The following HMGB1 variants were observed in gnomAD, a reference collection of about 807,000 sequenced individuals.
The protein encoded by HMGB1 is high mobility group box 1.
For missense variants in HMGB1, 79 were observed against 253.5 expected (o/e 0.31, Z 4.67); for synonymous variants, 81 against 84.0 (o/e 0.96, Z 0.19).
chr13:30,578,634 T>C (rs926696355), intron 1 of HMGB1, among the ~76,000 whole-genome samples: 4 of 152,118 alleles, frequency 2.6e-5, no homozygotes, highest in African/African-American at 9.7e-5. Flanking sequence ...ATATATCCTA[T>C]CTTACATATC....
chr13:30,538,664 C>T (rs866490046), intron 1 of HMGB1, among the ~76,000 whole-genome samples: 821 of 8,862 alleles, frequency 0.093, 62 homozygotes, highest in African/African-American at 0.26. Flanking sequence ...TCTTTCTTTC[C>T]TTTCTTTCTT....
intron 1 of HMGB1, among the ~76,000 whole-genome samples, chr13:30,548,448 G>T (rs1869270447): frequency 6.6e-6 from 1 of 152,124 alleles, no homozygotes; most frequent in Non-Finnish European, 1.5e-5. Context: ...AACAGCACGA[G>T]AATGGACTAA....
Position 30,477,114 on chromosome 13 carries a change from C to T in HMGB1, c.-14-13420G>A, listed in dbSNP as rs142165663. 1.2e-4 allele frequency among the ~76,000 whole-genome samples: 19 copies of T among 152,230 alleles called. No homozygotes were observed. In the East Asian group the frequency reaches 2.5e-3, roughly 20 times the overall value. ...AAAATAAAAACGGTATCACATTTCC[C>T]CACCTAAATATGCATCACAGCCCCA... On this transcript the variant is annotated intron_variant, in intron 1 of 4. Transcript: ENST00000405805.
chr13:30,576,049 T>C (rs534041545), intron 1 of HMGB1, among the ~76,000 whole-genome samples: 2 of 152,266 alleles, frequency 1.3e-5, no homozygotes, highest in African/African-American at 4.8e-5. Flanking sequence ...AAGGCCAACA[T>C]TGGTATTCTC....
intron 4 of HMGB1, 110 bp from the exon 5 acceptor site, chr13:30,461,643 A>C (rs780847361): frequency 1.3e-6 from 2 of 1,589,008 alleles, no homozygotes; most frequent in South Asian, 2.3e-5. Flanking sequence ...TTATACCAAA[A>C]TATCACGTAT....
intron 1 of HMGB1, among the ~76,000 whole-genome samples, chr13:30,563,953 T>A (rs1870071332): frequency 6.6e-6 from 1 of 152,226 alleles, no homozygotes; most frequent in African/African-American, 2.4e-5. Flanking sequence ...AAAATTAAAA[T>A]GGTAAATGGG....
intron 1 of HMGB1, among the ~76,000 whole-genome samples, chr13:30,595,196 G>A (rs9315022): frequency 0.43 from 65,443 of 151,694 alleles, 14,501 homozygotes; most frequent in Middle Eastern, 0.62. Context: ...ATAAAAAATT[G>A]TATTTTTATT....
intron 1 of HMGB1, among the ~76,000 whole-genome samples, chr13:30,599,804 A>G (rs1345630756): frequency 6.6e-6 from 1 of 152,162 alleles, no homozygotes; most frequent in African/African-American, 2.4e-5. Context: ...ATACAGTCAC[A>G]TTCCGAGTTC....
intron 1 of HMGB1, among the ~76,000 whole-genome samples, chr13:30,509,765 GTA>G (rs1263753857): frequency 6.6e-6 from 1 of 152,154 alleles, no homozygotes; most frequent in Non-Finnish European, 1.5e-5. Flanking sequence ...ATGCACTGCT[GTA>G]TTCAAGGTCC....
intron 1 of HMGB1, among the ~76,000 whole-genome samples, chr13:30,522,826 C>T (rs1364595832): frequency 6.6e-6 from 1 of 152,004 alleles, no homozygotes; most frequent in Admixed American, 6.6e-5. Context: ...AGCATTCTTC[C>T]CACCTCTGCC....
chr13:30,482,664 T>C (rs192866728), intron 1 of HMGB1, among the ~76,000 whole-genome samples: 37 of 152,296 alleles, frequency 2.4e-4, no homozygotes, highest in Non-Finnish European at 4.9e-4. Flanking sequence ...CCTTTGTCAT[T>C]AAAACCAACA....
chr13:30,610,164 G>A (rs554086354), intron 1 of HMGB1, among the ~76,000 whole-genome samples: 6 of 152,122 alleles, frequency 3.9e-5, no homozygotes, highest in African/African-American at 9.6e-5. Flanking sequence ...TACAAAATAC[G>A]TTAGTCAACA....
At chr13:30,613,531 A>T (rs573592735) in intron 1 of HMGB1, among the ~76,000 whole-genome samples, 2 of 152,338 alleles carry the variant, frequency 1.3e-5, no homozygotes, top group African/African-American at 4.8e-5. Flanking sequence ...GCTCATTGTA[A>T]ATCTTGCTCA....
intron 1 of HMGB1, among the ~76,000 whole-genome samples, chr13:30,485,040 T>C (rs1434979143): frequency 5.3e-5 from 8 of 149,678 alleles, no homozygotes; most frequent in African/African-American, 1.5e-4. Flanking sequence ...TTTTCTTTTT[T>C]TTTTTTTTTG....
At chr13:30,612,836 G>T (rs1950525051) in intron 1 of HMGB1, among the ~76,000 whole-genome samples, 1 of 152,166 alleles carries the variant, frequency 6.6e-6, no homozygotes, top group Non-Finnish European at 1.5e-5. Flanking sequence ...ACGTTATTTT[G>T]TCACTGGAAA....
At chr13:30,556,594 C>T (rs896851635) in intron 1 of HMGB1, among the ~76,000 whole-genome samples, 7 of 152,028 alleles carry the variant, frequency 4.6e-5, no homozygotes, top group African/African-American at 1.7e-4. Flanking sequence ...AGAGTGAAAT[C>T]CCATCGTTGA....
chr13:30,591,119 C>T (rs1871349970), intron 1 of HMGB1, among the ~76,000 whole-genome samples: 1 of 151,050 alleles, frequency 6.6e-6, no homozygotes, highest in African/African-American at 2.4e-5. Context: ...CAACCTCCAC[C>T]TCCAGGGTTC....
At chr13:30,604,772 C>T (rs1950438938) in intron 1 of HMGB1, among the ~76,000 whole-genome samples, 2 of 152,194 alleles carry the variant, frequency 1.3e-5, no homozygotes, top group African/African-American at 4.8e-5. Context: ...ATTCTCCCAC[C>T]TCAGCCTCCC....
At chr13:30,547,853 G>A (rs893839627) in intron 1 of HMGB1, among the ~76,000 whole-genome samples, 3 of 152,152 alleles carry the variant, frequency 2.0e-5, no homozygotes, top group Non-Finnish European at 4.4e-5. Flanking sequence ...GGGAGGCAGA[G>A]GCTGCAGTGA....
Sources: allele counts gnomAD v4.1 joint callset (sites outside exome capture counted in the v4.1 genomes callset), GRCh38; gene constraint gnomAD v4.1.1; transcripts MANE v1.5; gene names NCBI Gene and HGNC (gene_info 2026-07-23, HGNC 2026-07-21).